Variants in PIP4K2A observed in about 807,000 individuals in gnomAD.
PIP4K2A encodes phosphatidylinositol 5-phosphate 4-kinase type-2 alpha.
PIP4K2A carries 14 observed loss-of-function variants against 42.9 expected under a neutral mutation model. The observed-to-expected ratio is 0.33, with a 90% CI of 0.22 to 0.51. The LOEUF (loss-of-function observed/expected upper bound fraction) is 0.51. Among genes scored for constraint, PIP4K2A ranks in the 20% least tolerant of loss-of-function variants. PIP4K2A has a pLI of 0.97. For missense variants in PIP4K2A, 434 were observed against 519.8 expected, an observed-to-expected ratio of 0.83 and a Z score of 1.61; for synonymous variants, 192 against 192.2, an observed-to-expected ratio of 1.00 and a Z score of 0.01.
intron 3 of PIP4K2A, among the ~76,000 whole-genome samples, chr10:22,592,786 C>T (rs1052343801): frequency 1.3e-5 from 2 of 152,216 alleles, no homozygotes; most frequent in East Asian, 1.9e-4. Context: ...AAAGTCTCGT[C>T]TCCATCCTTG....
chr10:22,627,588 TAATAAAAA>T (rs1280563166), intron 1 of PIP4K2A, among the ~76,000 whole-genome samples: 427 of 38,830 alleles, frequency 0.011, 10 homozygotes, highest in Middle Eastern at 0.04. Flanking sequence ...AGCTAATATG[TAATAAAAA>T]AAAAAAAAAA....
At chr10:22,615,021 A>C (rs1424467681) in intron 1 of PIP4K2A, among the ~76,000 whole-genome samples, 1 of 152,224 alleles carries the variant, frequency 6.6e-6, no homozygotes, top group Non-Finnish European at 1.5e-5. Context: ...ACTTTAAATT[A>C]TTAGTTTGGC....
intron 6 of PIP4K2A, among the ~76,000 whole-genome samples, chr10:22,555,897 T>TA (rs11337795): frequency 1.1e-3 from 157 of 147,134 alleles, no homozygotes; most frequent in Middle Eastern, 3.5e-3. Context: ...CTGATGAGCT[T>TA]AAAAAAAAAA....
intron 4 of PIP4K2A, among the ~76,000 whole-genome samples, chr10:22,581,747 T>A (rs987293328): frequency 1.3e-5 from 2 of 152,156 alleles, no homozygotes; most frequent in African/African-American, 4.8e-5. Flanking sequence ...GCTGGCTTTT[T>A]ACATTTTTCT....
At chr10:22,660,551 G>C (rs760118516) in intron 1 of PIP4K2A, among the ~76,000 whole-genome samples, 1 of 152,020 alleles carries the variant, frequency 6.6e-6, no homozygotes, top group African/African-American at 2.4e-5. Flanking sequence ...GAAGATGCAA[G>C]AATCTAGGTG....
chr10:22,550,070 CTA>C (rs1836365626), intron 7 of PIP4K2A, among the ~76,000 whole-genome samples: 1 of 152,110 alleles, frequency 6.6e-6, no homozygotes, highest in African/African-American at 2.4e-5. Context: ...GGACACTGTT[CTA>C]TGTCTCTCCA....
intron 3 of PIP4K2A, among the ~76,000 whole-genome samples, chr10:22,601,147 A>AC (rs1300946362): frequency 3.6e-5 from 5 of 140,254 alleles, no homozygotes; most frequent in Non-Finnish European, 6.2e-5. Flanking sequence ...AAAAAAAAAA[A>AC]AAAAAAAAAA....
chr10:22,538,705 G>T (rs533764876), intron 9 of PIP4K2A, among the ~76,000 whole-genome samples: 1 of 152,164 alleles, frequency 6.6e-6, no homozygotes. Context: ...CGGAATGGGG[G>T]TGGTGCACCT....
Position 22,586,656 on chromosome 10 carries a change from G to A in PIP4K2A, c.492+4973C>T, listed in dbSNP as rs545673546. On this transcript the variant is annotated intron_variant, in intron 4 of 9. Coordinates refer to ENST00000376573, the MANE Select transcript of PIP4K2A (RefSeq NM_005028.5). ...AGCGATTCTCATGCCTCAGCCTCCC[G>A]AGTAGCTGGGACTACAGGCACGTGC... 1.7e-4 allele frequency among the ~76,000 whole-genome samples: 26 copies of A among 152,030 alleles called. 1 individual carries two copies. The highest frequency in any genetic ancestry group is 2.6e-4 in the Non-Finnish European group (18 of 67,966).
intron 1 of PIP4K2A, among the ~76,000 whole-genome samples, chr10:22,699,630 G>A (rs1260512141): frequency 6.6e-6 from 1 of 152,106 alleles, no homozygotes; most frequent in Non-Finnish European, 1.5e-5. Context: ...GGGCCACTTA[G>A]ACAACACAGC....
At chr10:22,645,156 C>G (rs545891311) in intron 1 of PIP4K2A, among the ~76,000 whole-genome samples, 44 of 152,326 alleles carry the variant, frequency 2.9e-4, no homozygotes, top group African/African-American at 1.0e-3. Context: ...GTTGAAGCAA[C>G]TCATTTTGAA....
chr10:22,633,017 G>T (rs959292951), intron 1 of PIP4K2A, among the ~76,000 whole-genome samples: 14 of 152,102 alleles, frequency 9.2e-5, no homozygotes, highest in Admixed American at 8.5e-4. Flanking sequence ...TATACATCGG[G>T]TATCTGCTAA....
chr10:22,657,576 C>T (rs16922566), intron 1 of PIP4K2A, among the ~76,000 whole-genome samples: 10 of 152,042 alleles, frequency 6.6e-5, no homozygotes, highest in Admixed American at 3.3e-4. Flanking sequence ...TGCTTTGACA[C>T]GAAAAAAACA....
intron 6 of PIP4K2A, among the ~76,000 whole-genome samples, chr10:22,559,742 G>C (rs1240294301): frequency 6.6e-6 from 1 of 152,114 alleles, no homozygotes; most frequent in African/African-American, 2.4e-5. Context: ...TCTCCAAGTG[G>C]GGCCGACTGC....
At chr10:22,676,203 A>G (rs996350633) in intron 1 of PIP4K2A, among the ~76,000 whole-genome samples, 3 of 152,118 alleles carry the variant, frequency 2.0e-5, no homozygotes, top group African/African-American at 4.8e-5. Flanking sequence ...TTCATTTCCC[A>G]AGTTTCTTCT....
At chr10:22,683,867 ACACACAC>A (rs1839710842) in intron 1 of PIP4K2A, among the ~76,000 whole-genome samples, 1 of 151,556 alleles carries the variant, frequency 6.6e-6, no homozygotes, top group Non-Finnish European at 1.5e-5. Flanking sequence ...ACACACACAC[ACACACAC>A]AATTCAAAGT....
At chr10:22,540,244 A>G (rs971748810) in intron 8 of PIP4K2A, among the ~76,000 whole-genome samples, 170 bp from the exon 9 acceptor site, 1 of 152,164 alleles carries the variant, frequency 6.6e-6, no homozygotes, top group Non-Finnish European at 1.5e-5. Context: ...GATCCTGACT[A>G]AACACACAGC....
intron 4 of PIP4K2A, among the ~76,000 whole-genome samples, chr10:22,585,595 A>C (rs955263412): frequency 6.6e-6 from 1 of 150,968 alleles, no homozygotes; most frequent in Non-Finnish European, 1.5e-5. Context: ...GTATGTTACC[A>C]ACAGTGCCTC....
chr10:22,637,231 C>CT (rs1838685886), intron 1 of PIP4K2A, among the ~76,000 whole-genome samples: 1 of 152,190 alleles, frequency 6.6e-6, no homozygotes, highest in African/African-American at 2.4e-5. Context: ...CTCTCTGGAA[C>CT]TAAGCACCTT....
Sources: gnomAD v4.1 joint callset for allele counts (sites outside exome capture counted in the v4.1 genomes callset) on GRCh38, gnomAD v4.1.1 for gene constraint, MANE v1.5 for transcripts, NCBI Gene and HGNC (gene_info 2026-07-23, HGNC 2026-07-21) for gene names.